The following GPHN variants were observed in gnomAD, a reference collection of about 807,000 sequenced individuals.
The protein encoded by GPHN is gephyrin.
In GPHN, 17 loss-of-function variants were observed where a neutral mutation model predicts 95.5. The ratio of observed to expected loss-of-function variants is 0.18; its 90% CI spans 0.12 to 0.27. The LOEUF (loss-of-function observed/expected upper bound fraction) is 0.27. Among genes scored for constraint, GPHN ranks in the 10% least tolerant of loss-of-function variants. The pLI is 1.00. For synonymous variants in GPHN, 320 were observed against 322.5 expected (o/e 0.99, Z 0.08); for missense variants, 660 against 978.1 (o/e 0.67, Z 4.34).
the GPHN span, among the ~76,000 whole-genome samples, chr14:67,212,625 T>TTATATATAATATATATTACATA: frequency 2.1e-5 from 3 of 145,126 alleles, no homozygotes; most frequent in East Asian, 5.9e-4. Flanking sequence ...GTAATATATA[T>TTATATATAATATATATTACATA]TATATATAAT....
chr14:67,688,823 C>T, the GPHN span, among the ~76,000 whole-genome samples: 1 of 152,142 alleles, frequency 6.6e-6, no homozygotes, highest in Non-Finnish European at 1.5e-5. Context: ...TGCTAATTGT[C>T]TTTCTCCCCC....
chr14:66,772,056 G>A (rs189446071), intron 2 of GPHN, among the ~76,000 whole-genome samples: 16 of 149,902 alleles, frequency 1.1e-4, no homozygotes, highest in East Asian at 9.8e-4. Flanking sequence ...TATTGTAAAC[G>A]TTATCTTTTG....
the GPHN span, among the ~76,000 whole-genome samples, chr14:67,525,420 T>C: frequency 6.6e-6 from 1 of 152,256 alleles, no homozygotes; most frequent in Non-Finnish European, 1.5e-5. Flanking sequence ...TTTAATACTT[T>C]ACTTACTAGT....
At chr14:67,619,938 C>T in the GPHN span, 6 of 1,398,542 alleles carry the variant, frequency 4.3e-6, no homozygotes, top group South Asian at 2.7e-5. Flanking sequence ...CTTCCAACCG[C>T]GCGGAGCCTC....
the GPHN span, among the ~76,000 whole-genome samples, chr14:67,485,699 A>G: frequency 6.6e-6 from 1 of 152,350 alleles, no homozygotes; most frequent in South Asian, 2.1e-4. Context: ...TTGGGAAAGC[A>G]GCCAATTGTC....
intron 2 of GPHN, among the ~76,000 whole-genome samples, chr14:66,744,958 TC>T (rs1014418302): frequency 2.6e-5 from 4 of 152,154 alleles, no homozygotes; most frequent in Non-Finnish European, 5.9e-5. Context: ...GGTAGAAGTT[TC>T]TAAAGTCTTA....
chr14:67,615,855 C>T, the GPHN span: 10 of 616,712 alleles, frequency 1.6e-5, no homozygotes, highest in Middle Eastern at 3.8e-4. Flanking sequence ...ATTGGTGATT[C>T]GGCGAAGAAA....
chr14:67,617,949 C>T, the GPHN span, among the ~76,000 whole-genome samples: 3 of 152,088 alleles, frequency 2.0e-5, no homozygotes, highest in African/African-American at 7.2e-5. Context: ...AAACTCCTGA[C>T]CTCAGGTGAT....
chr14:67,679,659 C>T, the GPHN span, among the ~76,000 whole-genome samples: 16 of 152,198 alleles, frequency 1.1e-4, no homozygotes, highest in Non-Finnish European at 1.5e-4. Context: ...CTGCCTCGGC[C>T]TCCCAAAGTG....
At chr14:66,777,759 G>A (rs1435710305) in intron 3 of GPHN, among the ~76,000 whole-genome samples, 1 of 152,126 alleles carries the variant, frequency 6.6e-6, no homozygotes, top group Non-Finnish European at 1.5e-5. Context: ...AAAGGCCTTT[G>A]ACAAAATTCA....
intron 5 of GPHN, among the ~76,000 whole-genome samples, chr14:66,914,668 G>T (rs1037008556): frequency 6.6e-6 from 1 of 151,966 alleles, no homozygotes; most frequent in Admixed American, 6.6e-5. Context: ...TGTGCTCTTA[G>T]TTAAAATTCT....
intron 8 of GPHN, among the ~76,000 whole-genome samples, chr14:66,954,566 G>A (rs2068352427): frequency 6.6e-6 from 1 of 152,138 alleles, no homozygotes; most frequent in South Asian, 2.1e-4. Flanking sequence ...ATAAAACCAT[G>A]TCATCTGTGA....
At chr14:66,948,410 G>T (rs961487593) in intron 8 of GPHN, among the ~76,000 whole-genome samples, 3 of 152,040 alleles carry the variant, frequency 2.0e-5, no homozygotes, top group Non-Finnish European at 2.9e-5. Context: ...TATGAATCAT[G>T]AATTTTTGTA....
At chr14:67,606,750 G>C in the GPHN span, among the ~76,000 whole-genome samples, 1 of 152,084 alleles carries the variant, frequency 6.6e-6, no homozygotes, top group Admixed American at 6.5e-5. Flanking sequence ...GGTTTCAAGC[G>C]ATTCTCCTGC....
chr14:66,793,112 A>G (rs2060033592), intron 3 of GPHN, among the ~76,000 whole-genome samples: 1 of 152,274 alleles, frequency 6.6e-6, no homozygotes, highest in Admixed American at 6.5e-5. Flanking sequence ...CATCATGAGC[A>G]TGTCACAGTG....
intron 1 of GPHN, among the ~76,000 whole-genome samples, chr14:66,557,480 C>T (rs890749711): frequency 2.6e-5 from 4 of 152,066 alleles, no homozygotes; most frequent in African/African-American, 9.7e-5. Flanking sequence ...CTTTAGAAAT[C>T]ATATCTTTAA....
the GPHN span, chr14:67,581,108 C>T: frequency 5.0e-5 from 47 of 938,088 alleles, no homozygotes; most frequent in African/African-American, 4.0e-4. Context: ...ATCGCCTCCT[C>T]GACTAGACAG....
At chr14:66,919,101 A>T (rs977389551) in intron 6 of GPHN, among the ~76,000 whole-genome samples, 1 of 152,210 alleles carries the variant, frequency 6.6e-6, no homozygotes, top group Admixed American at 6.5e-5. Context: ...AACTTTATGC[A>T]GTGCTCTTTG....
the GPHN span, among the ~76,000 whole-genome samples, chr14:67,216,845 G>A: frequency 6.6e-6 from 1 of 152,106 alleles, no homozygotes; most frequent in Non-Finnish European, 1.5e-5. Flanking sequence ...AGTCAATCCT[G>A]GAGAATATTC....
Sources: gnomAD v4.1 joint callset for allele counts (sites outside exome capture counted in the v4.1 genomes callset) on GRCh38, gnomAD v4.1.1 for gene constraint, MANE v1.5 for transcripts, NCBI Gene and HGNC (gene_info 2026-07-23, HGNC 2026-07-21) for gene names.